The following ALCAM variants were observed in gnomAD, a reference collection of about 807,000 sequenced individuals.
ALCAM encodes the protein activated leukocyte cell adhesion molecule, also known as CD166 antigen.
ALCAM carries 30 observed loss-of-function variants against 70.9 expected under a neutral mutation model. The ratio of observed to expected loss-of-function variants is 0.42; its 90% CI spans 0.32 to 0.57. ALCAM has a LOEUF of 0.57. ALCAM is among the 20% of genes least tolerant of loss of function. The probability of loss-of-function intolerance (pLI) is 0.11; values close to 1 mark genes in which losing one functional copy is unlikely to be tolerated. For synonymous variants in ALCAM, 249 were observed against 242.5 expected (o/e 1.03, Z -0.25); for missense variants, 591 against 695.1 (o/e 0.85, Z 1.68).
chr3:105,563,506 T>A (rs1409933353), intron 14 of ALCAM, among the ~76,000 whole-genome samples: 1 of 151,760 alleles, frequency 6.6e-6, no homozygotes, highest in East Asian at 1.9e-4. Flanking sequence ...GACTTTCTTC[T>A]TTTATAAGAC....
At chr3:105,507,725 T>A (rs935099805) in intron 1 of ALCAM, among the ~76,000 whole-genome samples, 4 of 152,262 alleles carry the variant, frequency 2.6e-5, no homozygotes, top group African/African-American at 7.2e-5. Context: ...ATAAACATTC[T>A]TGTTCAGGTT....
At chr3:105,543,401 C>T (rs1940170797) in intron 8 of ALCAM, among the ~76,000 whole-genome samples, 1 of 151,588 alleles carries the variant, frequency 6.6e-6, no homozygotes, top group African/African-American at 2.4e-5. Flanking sequence ...TCTGTTCCTC[C>T]TCAAAAGCTG....
At chr3:105,553,657 G>C (rs189774595) in intron 14 of ALCAM, among the ~76,000 whole-genome samples, 31 of 151,986 alleles carry the variant, frequency 2.0e-4, no homozygotes, top group Non-Finnish European at 4.3e-4. Flanking sequence ...AAGGGAGGCA[G>C]AAGCTCTGAA....
At chr3:105,552,308 A>T in intron 13 of ALCAM, 126 bp downstream of exon 13, 5 of 1,280,468 alleles carry the variant, frequency 3.9e-6, no homozygotes, top group Non-Finnish European at 5.5e-6. Context: ...AAGACAAGAT[A>T]GTAAGAATGC....
intron 6 of ALCAM, among the ~76,000 whole-genome samples, chr3:105,535,668 C>G (rs976862893): frequency 6.6e-6 from 1 of 151,992 alleles, no homozygotes; most frequent in Non-Finnish European, 1.5e-5. Context: ...TTATTAAGTA[C>G]TTTATTATTA....
intron 1 of ALCAM, among the ~76,000 whole-genome samples, chr3:105,423,359 C>T (rs1024594564): frequency 5.3e-5 from 8 of 151,022 alleles, no homozygotes; most frequent in Admixed American, 6.6e-5. Flanking sequence ...ATTCTTTTGG[C>T]GCAGAACAAA....
chr3:105,426,390 A>G (rs1936791638), intron 1 of ALCAM, among the ~76,000 whole-genome samples: 1 of 151,970 alleles, frequency 6.6e-6, no homozygotes, highest in South Asian at 2.1e-4. Flanking sequence ...TATGGTATGT[A>G]CCATATTTAT....
In ALCAM at chr3:105,550,173, T is replaced by A; in HGVS notation, c.1421T>A (p.Ile474Asn). The A allele has an allele frequency of 1.2e-6, 2 of 1,600,970 alleles. No homozygotes were observed. Among genetic ancestry groups the A allele is most frequent in the Non-Finnish European group, 8.6e-7 (1 of 1,169,476 alleles). The change falls in exon 12 of 16, where the codon ATC (isoleucine) becomes AAC (asparagine). Residue 474 changes from isoleucine to asparagine, a missense_variant. Around this residue, in one of 2 missense-constraint regions of ALCAM, gnomAD observed 164 missense variants for 244.7 expected, o/e 0.67. Coordinates refer to ENST00000306107, the MANE Select transcript of ALCAM (RefSeq NM_001627.4). Reference sequence around the variant, plus strand: ...AATGGCAGGTATTATAGTAAAATTATCATTTCCCCTGAAGAGAATGTTACA... The same window carrying A: ...AATGGCAGGTATTATAGTAAAATTAACATTTCCCCTGAAGAGAATGTTACA... The part of the protein sequence containing the change: ...YINGRYYSKI[I>N]ISPEENVTLT...
intron 8 of ALCAM, 105 bp from the exon 9 acceptor site, chr3:105,545,118 A>G: frequency 1.3e-6 from 1 of 762,998 alleles, no homozygotes; most frequent in Admixed American, 2.0e-5. Flanking sequence ...GAATGTTCAA[A>G]TGCAGTTAGA....
intron 1 of ALCAM, among the ~76,000 whole-genome samples, chr3:105,442,170 C>T (rs1937185952): frequency 6.6e-6 from 1 of 152,108 alleles, no homozygotes; most frequent in Non-Finnish European, 1.5e-5. Flanking sequence ...GAGATTATTA[C>T]ATTAGAATGA....
At chr3:105,369,758 A>T (rs1232579829) in intron 1 of ALCAM, among the ~76,000 whole-genome samples, 2 of 152,104 alleles carry the variant, frequency 1.3e-5, no homozygotes, top group African/African-American at 4.8e-5. Flanking sequence ...CGAGTTTGTG[A>T]AACTGCTTCC....
intron 1 of ALCAM, among the ~76,000 whole-genome samples, chr3:105,378,865 GTGTT>G (rs1199120331): frequency 6.6e-6 from 1 of 151,964 alleles, no homozygotes; most frequent in East Asian, 1.9e-4. Flanking sequence ...TCCATCCAAA[GTGTT>G]TGGTTAGAAA....
chr3:105,475,474 G>A (rs1051080723), intron 1 of ALCAM, among the ~76,000 whole-genome samples: 10 of 151,856 alleles, frequency 6.6e-5, no homozygotes, highest in African/African-American at 2.4e-4. Context: ...TAATTTGCTG[G>A]CTATGTTATC....
intron 1 of ALCAM, among the ~76,000 whole-genome samples, chr3:105,411,638 TATTC>T (rs1936393906): frequency 6.6e-6 from 1 of 152,096 alleles, no homozygotes; most frequent in African/African-American, 2.4e-5. Flanking sequence ...ATGAGAATAT[TATTC>T]ATCAAAAATG....
intron 11 of ALCAM, 82 bp from the exon 12 acceptor site, chr3:105,550,045 C>G: frequency 7.5e-7 from 1 of 1,330,884 alleles, no homozygotes; most frequent in Non-Finnish European, 1.0e-6. Context: ...CCACGCCTAT[C>G]CTATTACAGT....
intron 1 of ALCAM, among the ~76,000 whole-genome samples, chr3:105,403,529 A>C (rs1936145174): frequency 6.6e-6 from 1 of 152,144 alleles, no homozygotes; most frequent in Non-Finnish European, 1.5e-5. Flanking sequence ...TCCTAGGAGA[A>C]GGGGGAGAAC....
chr3:105,404,531 T>A (rs1385704498), intron 1 of ALCAM, among the ~76,000 whole-genome samples: 1 of 152,098 alleles, frequency 6.6e-6, no homozygotes, highest in Non-Finnish European at 1.5e-5. Flanking sequence ...GACAAACAAA[T>A]GCTAAGAGAA....
intron 1 of ALCAM, among the ~76,000 whole-genome samples, chr3:105,465,175 A>G (rs1937680027): frequency 6.6e-6 from 1 of 151,520 alleles, no homozygotes; most frequent in African/African-American, 2.4e-5. Context: ...GATCTGTGGC[A>G]AGAAAGAGCT....
intron 1 of ALCAM, among the ~76,000 whole-genome samples, chr3:105,417,949 T>A (rs1268227305): frequency 6.6e-6 from 1 of 151,684 alleles, no homozygotes; most frequent in Non-Finnish European, 1.5e-5. Flanking sequence ...TATTCTTTTT[T>A]TTTGGCTATA....
Sources: allele counts gnomAD v4.1 joint callset (sites outside exome capture counted in the v4.1 genomes callset), GRCh38; gene constraint gnomAD v4.1.1; regional missense constraint gnomAD v4.1.1; transcripts MANE v1.5; gene names NCBI Gene and HGNC (gene_info 2026-07-23, HGNC 2026-07-21).